The following TSPAN12 variants were observed in gnomAD, a reference collection of about 807,000 sequenced individuals.
TSPAN12 encodes the protein tetraspanin-12.
A neutral mutation model predicts 39.2 loss-of-function variants in TSPAN12; 19 were observed. The observed-to-expected ratio is 0.49, with a 90% CI of 0.34 to 0.71. The LOEUF is 0.71. TSPAN12 is among the 30% of genes least tolerant of loss of function. TSPAN12 has a pLI of 0.01. For missense variants in TSPAN12, 314 were observed against 359.9 expected, an observed-to-expected ratio of 0.87 and a Z score of 1.03; for synonymous variants, 119 against 124.8, an observed-to-expected ratio of 0.95 and a Z score of 0.31.
At chr7:120,803,487 A>T (rs1321179436) in intron 7 of TSPAN12, among the ~76,000 whole-genome samples, 1 of 152,170 alleles carries the variant, frequency 6.6e-6, no homozygotes, top group African/African-American at 2.4e-5. Flanking sequence ...CTTATTTTTA[A>T]TTATGGATTT....
At chr7:120,847,638 T>G (rs1794697258) in intron 2 of TSPAN12, among the ~76,000 whole-genome samples, 1 of 152,216 alleles carries the variant, frequency 6.6e-6, no homozygotes, top group African/African-American at 2.4e-5. Context: ...TCTCAAGTCC[T>G]TCAAATTGTT....
At chr7:120,849,082 G>A (rs147915655) in intron 2 of TSPAN12, among the ~76,000 whole-genome samples, 263 of 152,304 alleles carry the variant, frequency 1.7e-3, no homozygotes, top group Middle Eastern at 3.4e-3. Context: ...AGTTATCACA[G>A]GCAGCTAGGT....
rs895138482 is a variant in TSPAN12 at position 120,845,880 on chromosome 7, G to A, written c.67-5771C>T. Among the ~76,000 whole-genome samples the A allele has an allele frequency of 7.2e-5, 11 of 152,178 alleles. No homozygotes were observed. In the South Asian group the frequency reaches 2.3e-3, roughly 31 times the overall value. ...AAGCCACTTTCACATATTCAGGTAT[G>A]TTTATAGCAATGCTCCATTCCTGAT... On this transcript the variant is annotated intron_variant, in intron 2 of 7. Transcript: ENST00000222747.
intron 7 of TSPAN12, among the ~76,000 whole-genome samples, chr7:120,796,884 G>A (rs550836288): frequency 1.2e-4 from 18 of 152,226 alleles, no homozygotes; most frequent in South Asian, 6.2e-4. Flanking sequence ...GGCTGGGCAC[G>A]GTAGCTCACG....
At position 120,815,735 on chromosome 7, in the gene TSPAN12, T is replaced by C; in HGVS notation, c.354A>G (p.Glu118=). The change falls in exon 5 of 8, where the codon GAA becomes GAG. Residue 118 remains glutamate (E), a synonymous_variant. Coordinates refer to ENST00000222747, the MANE Select transcript of TSPAN12 (RefSeq NM_012338.4). ...ATATCTATTTTGAACTCACCATAAG[T>C]TCCTGTTCATATGTCCAAACGCCAC... ...LACGVWTYEQ[E]LMVPVQWSDM... is the part of the protein sequence containing the mutation. 1 of 1,612,620 alleles carries C rather than the reference T, an allele frequency of 6.2e-7. No homozygotes were observed. The highest frequency in any genetic ancestry group is 8.5e-7 in the Non-Finnish European group (1 of 1,179,312).
chr7:120,842,132 AG>A (rs1221359307), intron 2 of TSPAN12, among the ~76,000 whole-genome samples: 2 of 152,232 alleles, frequency 1.3e-5, no homozygotes, highest in Non-Finnish European at 2.9e-5. Flanking sequence ...ATGAATATAC[AG>A]AAGGTAGAAA....
chr7:120,855,335 A>G (rs1234138677), intron 2 of TSPAN12, among the ~76,000 whole-genome samples: 1 of 152,220 alleles, frequency 6.6e-6, no homozygotes, highest in Non-Finnish European at 1.5e-5. Flanking sequence ...AAGGACGTTC[A>G]ACCAGGCCAT....
At chr7:120,800,419 C>T (rs1024442020) in intron 7 of TSPAN12, among the ~76,000 whole-genome samples, 3 of 152,062 alleles carry the variant, frequency 2.0e-5, no homozygotes, top group African/African-American at 7.2e-5. Context: ...TGGTGAGATT[C>T]CCCATTCTTC....
At chr7:120,850,937 G>A (rs1176473785) in intron 2 of TSPAN12, among the ~76,000 whole-genome samples, 1 of 152,058 alleles carries the variant, frequency 6.6e-6, no homozygotes, top group African/African-American at 2.4e-5. Flanking sequence ...TGATCCACCT[G>A]CCTGGGCCTC....
intron 4 of TSPAN12, among the ~76,000 whole-genome samples, chr7:120,837,315 AT>A (rs554562744): frequency 1.6e-3 from 224 of 140,974 alleles, no homozygotes; most frequent in Middle Eastern, 3.6e-3. Context: ...TCATTTATTT[AT>A]TTTTTTTTTT....
intron 4 of TSPAN12, among the ~76,000 whole-genome samples, chr7:120,831,936 AATT>A (rs1284599964): frequency 6.6e-6 from 1 of 152,074 alleles, no homozygotes; most frequent in Non-Finnish European, 1.5e-5. Context: ...AAATATATAC[AATT>A]ATTATTGATA....
At chr7:120,844,744 C>A (rs1237103432) in intron 2 of TSPAN12, among the ~76,000 whole-genome samples, 4 of 152,224 alleles carry the variant, frequency 2.6e-5, no homozygotes, top group Middle Eastern at 3.2e-3. Flanking sequence ...CTTTCACAGG[C>A]TGCCATTGAG....
At chr7:120,849,609 A>G (rs1383374608) in intron 2 of TSPAN12, among the ~76,000 whole-genome samples, 11 of 152,244 alleles carry the variant, frequency 7.2e-5, no homozygotes, top group African/African-American at 2.4e-4. Context: ...AGAGGAACAT[A>G]AAAGACCTGA....
intron 7 of TSPAN12, among the ~76,000 whole-genome samples, chr7:120,790,498 G>A (rs532614440): frequency 6.6e-6 from 1 of 152,148 alleles, no homozygotes; most frequent in African/African-American, 2.4e-5. Context: ...TTAGAAAGTA[G>A]AAAGATCAAA....
intron 7 of TSPAN12, among the ~76,000 whole-genome samples, chr7:120,790,105 G>A (rs561080663): frequency 9.2e-5 from 14 of 152,008 alleles, no homozygotes; most frequent in Middle Eastern, 3.4e-3. Context: ...AAACCCACTC[G>A]GGAACCCTCT....
At chr7:120,830,941 T>A (rs748994990) in intron 4 of TSPAN12, among the ~76,000 whole-genome samples, 1 of 151,832 alleles carries the variant, frequency 6.6e-6, no homozygotes, top group Non-Finnish European at 1.5e-5. Flanking sequence ...AACAACTCAA[T>A]AGCAAGAAAG....
intron 7 of TSPAN12, among the ~76,000 whole-genome samples, chr7:120,798,576 T>A (rs1048508790): frequency 1.3e-5 from 2 of 152,226 alleles, no homozygotes; most frequent in African/African-American, 4.8e-5. Context: ...TACATTGTCC[T>A]AAACCGTCTT....
At chr7:120,834,774 G>T (rs1794447119) in intron 4 of TSPAN12, among the ~76,000 whole-genome samples, 1 of 152,102 alleles carries the variant, frequency 6.6e-6, no homozygotes. Flanking sequence ...CAAAATAAAA[G>T]TAAGAAACTT....
chr7:120,835,539 C>G (rs543914059), intron 4 of TSPAN12, among the ~76,000 whole-genome samples: 27 of 152,202 alleles, frequency 1.8e-4, no homozygotes, highest in African/African-American at 6.0e-4. Context: ...GCTGTGTAGA[C>G]TTAGGCAACT....
Sources: gnomAD v4.1 joint callset for allele counts (sites outside exome capture counted in the v4.1 genomes callset) on GRCh38, gnomAD v4.1.1 for gene constraint, MANE v1.5 for transcripts, NCBI Gene and HGNC (gene_info 2026-07-23, HGNC 2026-07-21) for gene names.